ZNF469: variants seen among roughly 807,000 people sequenced by gnomAD.
ZNF469 encodes zinc finger protein 469.
A neutral mutation model predicts 1.0 loss-of-function variants in ZNF469; 1 was observed. The observed-to-expected ratio is 1.00, with a 90% CI of 0.35 to 4.73. ZNF469 has a LOEUF of 4.73. ZNF469 is among the 30% of genes most tolerant of loss of function. The pLI is 0.16. For synonymous variants in ZNF469, 2,703 were observed against 2,363.4 expected, an observed-to-expected ratio of 1.14 and a Z score of -4.17; for missense variants, 6,100 against 5,356.3, an observed-to-expected ratio of 1.14 and a Z score of -4.33.
At chr16:88,327,546 T>C in the ZNF469 span, among the ~76,000 whole-genome samples, 5 of 151,204 alleles carry the variant, frequency 3.3e-5, no homozygotes, top group East Asian at 1.9e-4. Flanking sequence ...ACATATCACG[T>C]TGGGGTTGGG....
the ZNF469 span, among the ~76,000 whole-genome samples, chr16:88,145,694 C>A: frequency 6.6e-6 from 1 of 152,250 alleles, no homozygotes; most frequent in African/African-American, 2.4e-5. Flanking sequence ...TCACGTCCTC[C>A]TTATTCCCGA....
chr16:88,259,749 G>A, the ZNF469 span, among the ~76,000 whole-genome samples: 7 of 152,026 alleles, frequency 4.6e-5, no homozygotes, highest in Non-Finnish European at 1.0e-4. This position sits in a 1 kb window ranked among gnomAD's most constrained non-coding sequence, Gnocchi z 4.1. Context: ...GCCCCCAAGC[G>A]GCCTCCCCAA....
rs757009906 is a variant in ZNF469, at chr16:88,429,654, C to T, written c.2184C>T (p.Asp728=). ...GCAGCGCCAGCCTGGACCAGCTGGA[C>T]GTGCTGCTGACCTGCAGGCAGTGTG... ...SLSSASLDQL[D]VLLTCRQCDR... Residue 728 remains aspartate, a synonymous_variant, in exon 3 of 3, where the codon GAC becomes GAT. Coordinates refer to ENST00000565624, the MANE Select transcript of ZNF469 (RefSeq NM_001367624.2). 19 of 1,542,356 alleles carry T rather than the reference C, an allele frequency of 1.2e-5. No individual in the cohort carries two copies. The highest frequency in any genetic ancestry group is 1.7e-4 in the Middle Eastern group (1 of 5,984).
rs113196966 is a variant in ZNF469 at position 88,437,517 on chromosome 16, C to T, written c.10047C>T (p.Pro3349=). ...ACTGCGGGAAGCGCTTCCCCAAGCC[C>T]TTCAAGCTGCAGCGCCACCTGGCGG... The part of the protein sequence containing the change: ...CHHCGKRFPK[P]FKLQRHLAVH... Residue 3349 remains proline, a synonymous_variant, in exon 3 of 3, where the codon CCC becomes CCT. Coordinates refer to ENST00000565624, the MANE Select transcript of ZNF469 (RefSeq NM_001367624.2). 1.9e-6 allele frequency: 3 copies of T among 1,542,708 alleles called. No homozygotes were observed. The highest frequency in any genetic ancestry group is 1.8e-6 in the Non-Finnish European group (2 of 1,141,816).
At chr16:88,381,247 T>G (rs577821286), upstream of ZNF469, among the ~76,000 whole-genome samples, 8 of 91,104 alleles carry the variant, frequency 8.8e-5, no homozygotes, top group East Asian at 2.9e-3. Context: ...CTCACAGACA[T>G]GCACTCACAC....
chr16:88,422,667 G>C (rs537305370), intron 1 of ZNF469, among the ~76,000 whole-genome samples: 56 of 150,248 alleles, frequency 3.7e-4, no homozygotes, highest in African/African-American at 1.3e-3. Flanking sequence ...TGGATGGATG[G>C]GTGGGTAGAT....
At chr16:88,151,445 G>A in the ZNF469 span, among the ~76,000 whole-genome samples, 2 of 152,330 alleles carry the variant, frequency 1.3e-5, no homozygotes, top group East Asian at 3.9e-4. The surrounding 1 kb of genome is among the most constrained non-coding windows in gnomAD (Gnocchi z 5.4). Context: ...AATGGCCGCA[G>A]ACTCTCCCTG....
chr16:88,316,722 T>G, the ZNF469 span, among the ~76,000 whole-genome samples: 1 of 151,580 alleles, frequency 6.6e-6, no homozygotes, highest in South Asian at 2.1e-4. Context: ...AATTTTTGTG[T>G]TTTTAGTACA....
the ZNF469 span, among the ~76,000 whole-genome samples, chr16:88,143,376 G>A: frequency 1.3e-5 from 2 of 152,180 alleles, no homozygotes; most frequent in African/African-American, 4.8e-5. Flanking sequence ...GCCTAGCGGG[G>A]TGGGGTGCAG....
At chr16:88,256,001 G>C in the ZNF469 span, among the ~76,000 whole-genome samples, 4 of 152,188 alleles carry the variant, frequency 2.6e-5, no homozygotes, top group Non-Finnish European at 5.9e-5. Flanking sequence ...CCTTGGGTTG[G>C]ATTTAGGCCG....
intron 1 of ZNF469, among the ~76,000 whole-genome samples, chr16:88,396,142 T>C (rs8058066): frequency 0.55 from 83,711 of 152,174 alleles, 23,163 homozygotes; most frequent in African/African-American, 0.58. Context: ...TTGGGTCTGT[T>C]GAGTGCGAGT....
the ZNF469 span, among the ~76,000 whole-genome samples, chr16:88,140,123 G>A: frequency 6.6e-6 from 1 of 152,196 alleles, no homozygotes. Context: ...ATACAAAAGA[G>A]GGAGTCATAA....
the ZNF469 span, among the ~76,000 whole-genome samples, chr16:88,123,295 G>T: frequency 6.6e-6 from 1 of 152,086 alleles, no homozygotes; most frequent in African/African-American, 2.4e-5. Flanking sequence ...TTCACCCAGC[G>T]GAGCATCGAG....
chr16:88,388,006 C>T (rs1308605316), intron 1 of ZNF469, among the ~76,000 whole-genome samples: 2 of 152,288 alleles, frequency 1.3e-5, no homozygotes, highest in African/African-American at 4.8e-5. Flanking sequence ...AGGGCAGCCA[C>T]GGCTCCCAGC....
chr16:88,389,137 C>CA (rs1221604533), intron 1 of ZNF469, among the ~76,000 whole-genome samples: 1 of 152,010 alleles, frequency 6.6e-6, no homozygotes, highest in East Asian at 1.9e-4. Context: ...TTTATCACCC[C>CA]AAAAAAAACC....
the ZNF469 span, among the ~76,000 whole-genome samples, chr16:88,135,447 G>A: frequency 9.2e-5 from 14 of 152,358 alleles, no homozygotes; most frequent in South Asian, 2.3e-3. Context: ...GGCCAGGGTC[G>A]ATCTGGGCCA....
At position 88,420,078 on chromosome 16, in the gene ZNF469, C is replaced by G. The variant is rs529889196; in HGVS notation, c.-191-4729C>G. 9.8e-5 allele frequency among the ~76,000 whole-genome samples: 15 copies of G among 152,358 alleles called. No individual in the cohort carries two copies. The East Asian group carries it at 2.9e-3, about 29-fold the overall frequency. ...TGGAAAGCGGGGCCACACGCAGGTT[C>G]CATGTGTGGGGAAGACAGGGCACAT... On this transcript the variant is annotated intron_variant, in intron 1 of 2. Coordinates refer to ENST00000565624, the MANE Select transcript of ZNF469 (RefSeq NM_001367624.2).
At chr16:88,140,473 A>AGCC in the ZNF469 span, among the ~76,000 whole-genome samples, 4 of 151,352 alleles carry the variant, frequency 2.6e-5, no homozygotes, top group African/African-American at 9.8e-5. Flanking sequence ...GGTAGCACGG[A>AGCC]AAGTCAGTGA....
the ZNF469 span, among the ~76,000 whole-genome samples, chr16:88,200,051 G>T: frequency 6.6e-6 from 1 of 152,204 alleles, no homozygotes; most frequent in African/African-American, 2.4e-5. Context: ...GCTTTGGGAC[G>T]GTCAAACAGG....
Sources: allele counts gnomAD v4.1 joint callset (sites outside exome capture counted in the v4.1 genomes callset), GRCh38; gene constraint gnomAD v4.1.1; non-coding constraint Gnocchi (gnomAD v3.1); transcripts MANE v1.5; gene names NCBI Gene and HGNC (gene_info 2026-07-23, HGNC 2026-07-21).